EFHB: variants seen among roughly 807,000 people sequenced by gnomAD.
The protein encoded by EFHB is EF-hand domain family member B.
A neutral mutation model predicts 87.2 loss-of-function variants in EFHB; 91 were observed. The ratio of observed to expected loss-of-function variants is 1.04; its 90% CI spans 0.88 to 1.24. EFHB has a LOEUF of 1.24. Ranked by LOEUF, EFHB falls within the 50% of genes most tolerant of loss-of-function variation. The probability of loss-of-function intolerance (pLI) is 0.00; values close to 1 mark genes in which losing one functional copy is unlikely to be tolerated. For synonymous variants in EFHB, 325 were observed against 333.6 expected, an observed-to-expected ratio of 0.97 and a Z score of 0.28; for missense variants, 1,084 against 998.8, an observed-to-expected ratio of 1.09 and a Z score of -1.15.
At chr3:19,914,179 C>T (rs1575027034) in intron 5 of EFHB, among the ~76,000 whole-genome samples, 2 of 152,130 alleles carry the variant, frequency 1.3e-5, no homozygotes, top group Non-Finnish European at 1.5e-5. Flanking sequence ...AACTCCTGGG[C>T]TCAAGTGATC....
intron 6 of EFHB, 71 bp from the exon 7 acceptor site, chr3:19,899,586 C>A (rs1211998658): frequency 2.8e-6 from 3 of 1,082,556 alleles, no homozygotes; most frequent in East Asian, 2.6e-5. Flanking sequence ...ATACATAAGG[C>A]GAAGAATACC....
At chr3:19,934,784 T>C (rs1695971005), upstream of EFHB, among the ~76,000 whole-genome samples, 1 of 152,142 alleles carries the variant, frequency 6.6e-6, no homozygotes, top group South Asian at 2.1e-4. Flanking sequence ...CTGCATGTAG[T>C]TATTTTAGTG....
intron 1 of EFHB, among the ~76,000 whole-genome samples, chr3:19,939,957 G>GT (rs1459521299): frequency 1.3e-5 from 2 of 152,194 alleles, no homozygotes; most frequent in African/African-American, 4.8e-5. Context: ...CTCTACAGGA[G>GT]TTTAAGGCCC....
chr3:19,922,153 A>G (rs1695458963), intron 1 of EFHB, among the ~76,000 whole-genome samples: 1 of 152,218 alleles, frequency 6.6e-6, no homozygotes, highest in South Asian at 2.1e-4. Flanking sequence ...CAACAAGAGC[A>G]AAACTCCATC....
chr3:19,927,358 T>C (rs13096320), intron 1 of EFHB, among the ~76,000 whole-genome samples: 34,131 of 152,130 alleles, frequency 0.22, 4,244 homozygotes, highest in East Asian at 0.3. Context: ...TTCACAAGAA[T>C]CTTTTTGATT....
intron 5 of EFHB, among the ~76,000 whole-genome samples, chr3:19,910,077 G>A (rs1052858520): frequency 7.9e-5 from 12 of 151,884 alleles, no homozygotes; most frequent in Middle Eastern, 3.4e-3. Flanking sequence ...GAAAAGTAGA[G>A]GGAAAAGTAA....
At position 19,926,337 on chromosome 3, in the gene EFHB, G is replaced by T. The variant is rs990525982; in HGVS notation, c.790-5770C>A. ...GTATGGGTTTTTTGGTTTTTTTGGG[G>T]TTTTTTTTGTTTTTTGGGGTTTTTA... On this transcript the variant is annotated intron_variant, in intron 1 of 12. Coordinates refer to ENST00000295824, the MANE Select transcript of EFHB (RefSeq NM_144715.4). 1.2e-3 allele frequency among the ~76,000 whole-genome samples: 185 copies of T among 151,866 alleles called. 1 individual carries two copies. Among genetic ancestry groups the T allele is most frequent in the Admixed American group, 1.9e-3 (29 of 15,254 alleles).
At chr3:19,902,767 G>A (rs1369588954) in intron 6 of EFHB, among the ~76,000 whole-genome samples, 2 of 152,212 alleles carry the variant, frequency 1.3e-5, no homozygotes, top group Admixed American at 6.5e-5. Flanking sequence ...TAACACTCTT[G>A]ACTCCACGTT....
intron 1 of EFHB, among the ~76,000 whole-genome samples, chr3:19,926,016 A>T (rs1465886450): frequency 6.6e-6 from 1 of 152,174 alleles, no homozygotes; most frequent in Non-Finnish European, 1.5e-5. Context: ...TTCTGCAGAG[A>T]TTAGCTTTGG....
intron 3 of EFHB, 92 bp from the exon 4 acceptor site, chr3:19,918,504 G>A (rs757975018): frequency 5.0e-5 from 58 of 1,171,602 alleles, no homozygotes; most frequent in Non-Finnish European, 6.3e-5. Flanking sequence ...AGAGGAGACT[G>A]TACGATTGTG....
At chr3:19,918,593 C>A (rs917286659) in intron 3 of EFHB, among the ~76,000 whole-genome samples, 181 bp from the exon 4 acceptor site, 1 of 152,006 alleles carries the variant, frequency 6.6e-6, no homozygotes, top group African/African-American at 2.4e-5. Flanking sequence ...TTTAAACACG[C>A]CTACAAGAAC....
intron 6 of EFHB, 84 bp from the exon 7 acceptor site, chr3:19,899,599 AGT>A: frequency 1.1e-6 from 1 of 916,936 alleles, no homozygotes; most frequent in East Asian, 2.8e-5. Flanking sequence ...AGAATACCAT[AGT>A]ATCATTAGGC....
intron 1 of EFHB, among the ~76,000 whole-genome samples, chr3:19,926,956 G>A (rs906238606): frequency 2.0e-5 from 3 of 152,158 alleles, no homozygotes; most frequent in East Asian, 1.9e-4. Flanking sequence ...CACCCCGCCC[G>A]GACTTGTTTT....
At chr3:19,890,898 CAAT>C (rs1360300175) in intron 9 of EFHB, among the ~76,000 whole-genome samples, 2 of 152,014 alleles carry the variant, frequency 1.3e-5, no homozygotes, top group African/African-American at 4.8e-5. Context: ...ACTCTCCAGC[CAAT>C]AATCATTTTG....
chr3:19,911,089 C>T (rs927078514), intron 5 of EFHB, among the ~76,000 whole-genome samples: 4 of 152,120 alleles, frequency 2.6e-5, no homozygotes, highest in Non-Finnish European at 5.9e-5. Flanking sequence ...TATGACCTCA[C>T]TAAATAAACT....
At chr3:19,924,510 C>A (rs546846801) in intron 1 of EFHB, among the ~76,000 whole-genome samples, 1 of 152,134 alleles carries the variant, frequency 6.6e-6, no homozygotes, top group African/African-American at 2.4e-5. Flanking sequence ...CTGCGCCAGG[C>A]CTTTTCTCAC....
intron 9 of EFHB, 175 bp downstream of exon 9, chr3:19,896,512 A>G: frequency 1.1e-6 from 1 of 881,622 alleles, no homozygotes; most frequent in Non-Finnish European, 1.8e-6. Flanking sequence ...AAGCAGCCAC[A>G]GACAATACTG....
At position 19,899,194 on chromosome 3, in the gene EFHB, A is replaced by T. The variant is rs571566263; in HGVS notation, c.1502+238T>A. On this transcript the variant is annotated intron_variant, in intron 7 of 12. Transcript: ENST00000295824. ...GTTAAATCTCTGATATCCCAGAAAT[A>T]ATGCTTTATGCAAAATTATCCCTCT... Among the ~76,000 whole-genome samples the T allele has an allele frequency of 1.3e-5, 2 of 152,330 alleles. 1 individual carries two copies. The highest frequency in any genetic ancestry group is 4.1e-4 in the South Asian group (2 of 4,830).
chr3:19,934,370 C>G, upstream of EFHB: 2 of 702,500 alleles, frequency 2.8e-6, no homozygotes, highest in African/African-American at 2.6e-5. Flanking sequence ...CTCCCCTCTT[C>G]TCTCTCCTCT....
Sources: gnomAD v4.1 joint callset for allele counts (sites outside exome capture counted in the v4.1 genomes callset) on GRCh38, gnomAD v4.1.1 for gene constraint, MANE v1.5 for transcripts, NCBI Gene and HGNC (gene_info 2026-07-23, HGNC 2026-07-21) for gene names.